The following ITCH variants were observed in gnomAD, a reference collection of about 807,000 sequenced individuals.
ITCH encodes the protein itchy E3 ubiquitin protein ligase.
In ITCH, 28 loss-of-function variants were observed where a neutral mutation model predicts 126.8. That is an observed-to-expected ratio of 0.22 (90% CI 0.16 to 0.30). The LOEUF is 0.30. Ranked by LOEUF, ITCH falls within the 10% of genes least tolerant of loss-of-function variation. ITCH has a pLI of 1.00. For synonymous variants in ITCH, 342 were observed against 340.0 expected (o/e 1.01, Z -0.06); for missense variants, 631 against 1,032.4 (o/e 0.61, Z 5.33).
chr20:34,420,243 C>T (rs1354015057), intron 6 of ITCH, among the ~76,000 whole-genome samples: 3 of 152,180 alleles, frequency 2.0e-5, no homozygotes, highest in African/African-American at 7.2e-5. Context: ...AACCCCATTT[C>T]TTTCTTCTCC....
At chr20:34,365,106 G>C (rs975292825) in intron 1 of ITCH, among the ~76,000 whole-genome samples, 2 of 151,958 alleles carry the variant, frequency 1.3e-5, no homozygotes, top group Non-Finnish European at 2.9e-5. Flanking sequence ...AGGCTGAGGT[G>C]GGGGAATCAC....
intron 16 of ITCH, 63 bp downstream of exon 16, chr20:34,471,578 C>G (rs1987624717): frequency 1.0e-6 from 1 of 1,003,834 alleles, no homozygotes; most frequent in Admixed American, 1.7e-5. Flanking sequence ...GCTTTTGGTG[C>G]TGTCAGTTTA....
intron 7 of ITCH, among the ~76,000 whole-genome samples, chr20:34,435,127 G>A (rs1441450688): frequency 2.6e-5 from 4 of 151,224 alleles, no homozygotes; most frequent in Non-Finnish European, 4.4e-5. Flanking sequence ...TAATTCCCTA[G>A]CTCCCAGGAG....
chr20:34,475,456 C>T (rs1025530436), intron 16 of ITCH, among the ~76,000 whole-genome samples: 1 of 152,198 alleles, frequency 6.6e-6, no homozygotes, highest in Non-Finnish European at 1.5e-5. Flanking sequence ...AGCTGGAGAC[C>T]GGCCCGGCCA....
At chr20:34,368,234 C>T (rs1204288911) in intron 1 of ITCH, among the ~76,000 whole-genome samples, 1 of 150,756 alleles carries the variant, frequency 6.6e-6, no homozygotes, top group African/African-American at 2.4e-5. Context: ...TGTGCCACTG[C>T]ACTCCAGCCT....
At position 34,471,464 on chromosome 20, in the gene ITCH, C is replaced by A; in HGVS notation, c.1518C>A (p.His506Gln). 6.2e-7 allele frequency: 1 copy of A among 1,606,058 alleles called. No individual in the cohort carries two copies. The highest frequency in any genetic ancestry group is 8.5e-7 in the Non-Finnish European group (1 of 1,172,612). ...TTCAGCAACTGGCCATGCCACAGCA[C>A]ATAAAGATTACAGTGACAAGAAAAA... is the stretch of plus-strand genomic sequence containing the variant. ...FWCQQLAMPQ[H>Q]IKITVTRKTL... Residue 506 changes from histidine to glutamine, a missense_variant, in exon 16 of 25, where the codon CAC becomes CAA. This residue lies in a region of ITCH where 390 missense variants were observed against 731.6 expected (regional missense o/e 0.53). Coordinates refer to ENST00000374864, the MANE Select transcript of ITCH (RefSeq NM_031483.7).
chr20:34,431,596 G>T (rs758737440), intron 7 of ITCH, among the ~76,000 whole-genome samples: 2 of 152,104 alleles, frequency 1.3e-5, no homozygotes, highest in African/African-American at 2.4e-5. Context: ...AATCTGTGGA[G>T]AAAGAAAAGG....
chr20:34,393,665 TTG>T, intron 2 of ITCH, 124 bp from the exon 3 acceptor site: 1 of 721,698 alleles, frequency 1.4e-6, no homozygotes, highest in Non-Finnish European at 2.6e-6. Flanking sequence ...GAATTGAAAA[TTG>T]TGTTTAGTAA....
At chr20:34,467,963 C>T (rs935476308) in intron 14 of ITCH, among the ~76,000 whole-genome samples, 11 of 151,094 alleles carry the variant, frequency 7.3e-5, no homozygotes, top group Admixed American at 2.0e-4. Context: ...AAAAATCATA[C>T]GATAATTTCA....
intron 7 of ITCH, among the ~76,000 whole-genome samples, chr20:34,426,433 GT>G (rs1231812127): frequency 1.4e-5 from 2 of 147,270 alleles, no homozygotes; most frequent in East Asian, 2.0e-4. Flanking sequence ...TCTATGGGTT[GT>G]TTTTTTTTTG....
chr20:34,444,806 A>G (rs1015507699), intron 10 of ITCH, among the ~76,000 whole-genome samples: 2 of 152,030 alleles, frequency 1.3e-5, no homozygotes, highest in African/African-American at 4.8e-5. Context: ...ACACCTGGCT[A>G]ATTTTTTGTA....
chr20:34,388,162 G>T (rs944455844), intron 2 of ITCH, among the ~76,000 whole-genome samples: 4 of 149,962 alleles, frequency 2.7e-5, no homozygotes, highest in Admixed American at 1.3e-4. Context: ...CAGAGGTGCA[G>T]TCACGGTTCA....
intron 12 of ITCH, among the ~76,000 whole-genome samples, chr20:34,455,614 C>T (rs946420656): frequency 2.0e-5 from 3 of 150,082 alleles, no homozygotes; most frequent in African/African-American, 7.4e-5. Context: ...AGGTGCACAC[C>T]GCCATGCCTG....
At chr20:34,488,863 C>T (rs971201272) in intron 20 of ITCH, among the ~76,000 whole-genome samples, 2 of 152,154 alleles carry the variant, frequency 1.3e-5, no homozygotes, top group Non-Finnish European at 2.9e-5. Context: ...CACAGAGAGA[C>T]ACCATCTCTA....
intron 2 of ITCH, among the ~76,000 whole-genome samples, chr20:34,381,797 C>T (rs559773854): frequency 1.3e-4 from 20 of 151,230 alleles, no homozygotes; most frequent in African/African-American, 4.9e-4. Flanking sequence ...CCAGGAGTTC[C>T]AGGCTATAGT....
At chr20:34,417,746 T>G (rs570293827) in intron 6 of ITCH, among the ~76,000 whole-genome samples, 3 of 148,848 alleles carry the variant, frequency 2.0e-5, no homozygotes, top group South Asian at 4.3e-4. Context: ...CTTATTCTTA[T>G]AGCCCACAGA....
intron 3 of ITCH, chr20:34,402,699 C>CTG (rs1378185551): frequency 2.1e-6 from 1 of 479,716 alleles, no homozygotes; most frequent in Non-Finnish European, 4.0e-6. Flanking sequence ...GTCTGCATTG[C>CTG]TGAAATAGTT....
intron 19 of ITCH, 93 bp downstream of exon 19, chr20:34,480,825 G>C: frequency 9.0e-7 from 1 of 1,113,832 alleles, no homozygotes. Context: ...CACATAATTG[G>C]TTTATTGTAT....
chr20:34,405,783 T>TA (rs146632293), intron 3 of ITCH, among the ~76,000 whole-genome samples: 7 of 151,910 alleles, frequency 4.6e-5, no homozygotes, highest in East Asian at 3.9e-4. Flanking sequence ...AATAGTACTT[T>TA]TTTTTTATTT....
Sources: gnomAD v4.1 joint callset for allele counts (sites outside exome capture counted in the v4.1 genomes callset) on GRCh38, gnomAD v4.1.1 for gene constraint, gnomAD v4.1.1 regional missense constraint, MANE v1.5 for transcripts, NCBI Gene and HGNC (gene_info 2026-07-23, HGNC 2026-07-21) for gene names.